Variants in DENND1B observed in about 807,000 individuals in gnomAD.
DENND1B encodes DENN domain containing 1B, also known as DENN domain-containing protein 1B.
DENND1B carries 59 observed loss-of-function variants against 90.1 expected under a neutral mutation model. That is an observed-to-expected ratio of 0.65 (90% confidence interval 0.53 to 0.81). The LOEUF is 0.81. Among genes scored for constraint, DENND1B ranks in the 40% least tolerant of loss-of-function variants. The pLI is 0.00. For missense variants in DENND1B, 862 were observed against 912.6 expected, an observed-to-expected ratio of 0.94 and a Z score of 0.71; for synonymous variants, 337 against 324.6, an observed-to-expected ratio of 1.04 and a Z score of -0.41.
chr1:197,724,440 A>C (rs1348328065), intron 2 of DENND1B, among the ~76,000 whole-genome samples: 1 of 152,144 alleles, frequency 6.6e-6, no homozygotes, highest in African/African-American at 2.4e-5. Context: ...AATAACTCTT[A>C]TTTATCTTTG....
intron 14 of DENND1B, among the ~76,000 whole-genome samples, chr1:197,587,746 C>T (rs1396209183): frequency 1.3e-5 from 2 of 151,998 alleles, no homozygotes; most frequent in Non-Finnish European, 2.9e-5. Context: ...AAGCGCGTTA[C>T]GTTTATTGTG....
At chr1:197,771,634 C>G (rs1390458451) in intron 2 of DENND1B, among the ~76,000 whole-genome samples, 1 of 152,152 alleles carries the variant, frequency 6.6e-6, no homozygotes, top group Admixed American at 6.5e-5. Context: ...TTGGGCTTCT[C>G]TATTTTAAGG....
intron 20 of DENND1B, among the ~76,000 whole-genome samples, chr1:197,526,193 A>C (rs766186770): frequency 9.2e-5 from 14 of 152,028 alleles, no homozygotes; most frequent in Non-Finnish European, 1.8e-4. Context: ...CTCTTGGGGG[A>C]CACTAATAGG....
chr1:197,652,208 A>G (rs757113730), intron 7 of DENND1B, 27 bp downstream of exon 7: 2 of 1,591,704 alleles, frequency 1.3e-6, no homozygotes, highest in African/African-American at 1.4e-5. Flanking sequence ...TATGACTCCC[A>G]AAAACAATTA....
rs1172206621 is a variant in DENND1B, at chr1:197,671,947, A to G, written c.296+90T>C. 21 of 1,292,642 alleles carry G rather than the reference A, an allele frequency of 1.6e-5. 1 individual carries two copies. Among genetic ancestry groups the G allele is most frequent in the Middle Eastern group, 4.2e-4 (2 of 4,708 alleles). The allele number at this position is 1,292,642 out of a possible 1,614,324, so 80.1% of individuals were successfully genotyped here. A position where few individuals can be genotyped will look rare whatever the true frequency, so the allele number is the denominator to read the frequency against. ...ATTTTTCAACTTGTTTTTAAAGAAA[A>G]CAAGTTTTTCTTCATCCCAAGCATA... On this transcript the variant is annotated intron_variant, in intron 5 of 22. Transcript: ENST00000620048.
intron 3 of DENND1B, among the ~76,000 whole-genome samples, chr1:197,703,202 G>T (rs1339438893): frequency 6.6e-6 from 1 of 151,670 alleles, no homozygotes; most frequent in East Asian, 1.9e-4. Flanking sequence ...GGCCAGGTTG[G>T]TCTCAAACTC....
chr1:197,527,413 G>A (rs942460531), intron 20 of DENND1B, among the ~76,000 whole-genome samples: 1 of 151,320 alleles, frequency 6.6e-6, no homozygotes, highest in African/African-American at 2.4e-5. Flanking sequence ...CTCCCGAGTA[G>A]TTGGGATTAT....
chr1:197,616,158 C>T (rs539767215), intron 11 of DENND1B, among the ~76,000 whole-genome samples: 93 of 150,714 alleles, frequency 6.2e-4, no homozygotes, highest in Middle Eastern at 6.8e-3. Flanking sequence ...ATATATAAAA[C>T]GTAATTCTAA....
intron 14 of DENND1B, among the ~76,000 whole-genome samples, chr1:197,584,021 A>C (rs186976926): frequency 6.6e-5 from 10 of 152,348 alleles, no homozygotes; most frequent in Admixed American, 5.9e-4. Context: ...ATAAGTGACT[A>C]AACTTTATGA....
rs1180295888 is a variant in DENND1B, at chr1:197,546,135, CAGTGTT to C, written c.1282-151_1282-146del. On this transcript the variant is annotated intron_variant, in intron 17 of 22. Coordinates refer to ENST00000620048, the MANE Select transcript of DENND1B (RefSeq NM_001195215.2). ...TACAAATTATTTCATGTTCAGTGTTCAGTGTTTTCAAGTTTCTATGTACTTTAATAA... is the reference window on the plus strand; with the variant it reads ...TACAAATTATTTCATGTTCAGTGTTCTTCAAGTTTCTATGTACTTTAATAA... 1.6e-5 allele frequency: 5 copies of C among 310,572 alleles called. No homozygotes were observed. The East Asian group carries it at 2.3e-4, about 15-fold the overall frequency. 19.2% of individuals were successfully genotyped at this position (310,572 alleles called of 1,614,324 possible).
At position 197,715,017 on chromosome 1, in the gene DENND1B, T is replaced by C. The variant is rs368523147; in HGVS notation, c.126+14A>G. ...TTCAACTTTAAATTTTTTAAAAAAT[T>C]ATGTGGTACCAACCTGGTCTCCAAA... On this transcript the variant is annotated intron_variant, in intron 3 of 22. Coordinates refer to ENST00000620048, the MANE Select transcript of DENND1B (RefSeq NM_001195215.2). The C allele has an allele frequency of 2.4e-5, 38 of 1,603,764 alleles. No homozygotes were observed. The African/African-American group carries it at 3.7e-4, about 16-fold the overall frequency.
At chr1:197,516,152 A>G (rs1016727182) in intron 20 of DENND1B, among the ~76,000 whole-genome samples, 1 of 151,862 alleles carries the variant, frequency 6.6e-6, no homozygotes, top group African/African-American at 2.4e-5. Context: ...CACTACAATT[A>G]AATTATAAAC....
chr1:197,568,101 C>T (rs992184194), intron 15 of DENND1B, among the ~76,000 whole-genome samples: 20 of 151,566 alleles, frequency 1.3e-4, no homozygotes, highest in African/African-American at 2.2e-4. Flanking sequence ...ATATTACATG[C>T]GGAAAACTCT....
chr1:197,554,543 T>G (rs1050427283), intron 15 of DENND1B, among the ~76,000 whole-genome samples: 10 of 151,852 alleles, frequency 6.6e-5, no homozygotes, highest in African/African-American at 2.4e-4. Flanking sequence ...CAGCAGCAAT[T>G]TAAGATAATT....
chr1:197,713,790 ATAT>A (rs1390190069), intron 3 of DENND1B, among the ~76,000 whole-genome samples: 13 of 19,666 alleles, frequency 6.6e-4, no homozygotes, highest in South Asian at 5.1e-3. Flanking sequence ...TTATATTATA[ATAT>A]TATTATATTA....
intron 5 of DENND1B, among the ~76,000 whole-genome samples, chr1:197,663,967 AAAC>A (rs960589434): frequency 2.6e-5 from 4 of 151,960 alleles, no homozygotes; most frequent in African/African-American, 9.7e-5. Flanking sequence ...TATATGGCAA[AAAC>A]AACATCATTT....
At chr1:197,647,185 G>T in intron 7 of DENND1B, 71 bp from the exon 8 acceptor site, 2 of 1,099,810 alleles carry the variant, frequency 1.8e-6, no homozygotes, top group African/African-American at 1.7e-5. Context: ...AATTTGCTGT[G>T]TAATTGAGAC....
intron 15 of DENND1B, among the ~76,000 whole-genome samples, chr1:197,580,160 TCA>T (rs1247224864): frequency 7.2e-6 from 1 of 138,784 alleles, no homozygotes; most frequent in Admixed American, 7.6e-5. Context: ...TGGTGCAATC[TCA>T]GTCACTGCAA....
chr1:197,643,240 C>T (rs1029665910), intron 9 of DENND1B, among the ~76,000 whole-genome samples: 1 of 151,850 alleles, frequency 6.6e-6, no homozygotes, highest in Non-Finnish European at 1.5e-5. Context: ...TTGCAACCTC[C>T]GCCTCCCGGG....
Sources: allele counts gnomAD v4.1 joint callset (sites outside exome capture counted in the v4.1 genomes callset), GRCh38; gene constraint gnomAD v4.1.1; transcripts MANE v1.5; gene names NCBI Gene and HGNC (gene_info 2026-07-23, HGNC 2026-07-21).